GRM8: variants seen among roughly 807,000 people sequenced by gnomAD.
The protein encoded by GRM8 is glutamate metabotropic receptor 8.
A neutral mutation model predicts 87.2 loss-of-function variants in GRM8; 47 were observed. That is an observed-to-expected ratio of 0.54 (90% CI 0.43 to 0.69). The LOEUF (loss-of-function observed/expected upper bound fraction) is 0.69. Ranked by LOEUF, GRM8 falls within the 30% of genes least tolerant of loss-of-function variation. The pLI is 0.00. For missense variants in GRM8, 1,019 were observed against 1,139.2 expected (o/e 0.89, Z 1.52); for synonymous variants, 396 against 404.5 (o/e 0.98, Z 0.25).
chr7:126,793,356 C>T (rs547726677), intron 6 of GRM8, among the ~76,000 whole-genome samples: 16 of 152,276 alleles, frequency 1.1e-4, no homozygotes, highest in African/African-American at 3.6e-4. Context: ...AGAAGGTCCA[C>T]ATTTAAGGAA....
chr7:126,439,023 A>C lies in GRM8; in HGVS notation c.*96T>G. On this transcript the variant is annotated 3_prime_UTR_variant, in exon 11 of 11. Transcript: ENST00000339582. ...ACTGACTATTGATTTGATTGATTGTAGTCTACGGAGATCTCCAGGAGTGAA... is the reference window on the plus strand; with the variant it reads ...ACTGACTATTGATTTGATTGATTGTCGTCTACGGAGATCTCCAGGAGTGAA... 2.5e-6 allele frequency: 2 copies of C among 784,648 alleles called. No homozygotes were observed. The highest frequency in any genetic ancestry group is 4.6e-6 in the Non-Finnish European group (2 of 430,486). 48.6% of individuals were successfully genotyped at this position (784,648 alleles called of 1,614,324 possible). A position where few individuals can be genotyped will look rare whatever the true frequency, so the allele number is the denominator to read the frequency against.
chr7:127,082,767 A>G (rs925820967), intron 3 of GRM8, among the ~76,000 whole-genome samples: 2 of 152,200 alleles, frequency 1.3e-5, no homozygotes, highest in Non-Finnish European at 1.5e-5. Flanking sequence ...AAAACTTTAC[A>G]TGGGTTTTCT....
chr7:126,831,838 A>T (rs1795409190), intron 6 of GRM8, among the ~76,000 whole-genome samples: 1 of 152,182 alleles, frequency 6.6e-6, no homozygotes, highest in African/African-American at 2.4e-5. Context: ...GGCTCCTCTG[A>T]AACTGAAACT....
intron 6 of GRM8, among the ~76,000 whole-genome samples, chr7:126,807,767 C>T (rs1015768399): frequency 7.2e-5 from 11 of 152,140 alleles, no homozygotes; most frequent in Non-Finnish European, 1.2e-4. Context: ...ATTTAGGCCT[C>T]AGATCTGAGC....
chr7:126,808,913 A>G (rs2151732891), intron 6 of GRM8, among the ~76,000 whole-genome samples: 1 of 152,322 alleles, frequency 6.6e-6, no homozygotes, highest in East Asian at 1.9e-4. Flanking sequence ...TTGAAGCTGT[A>G]ACAAATTACC....
In GRM8 at chr7:127,138,914, T is replaced by C. The variant is rs898940543; in HGVS notation, c.511-32202A>G. Among the ~76,000 whole-genome samples, 14 of 152,146 alleles carry C rather than the reference T, an allele frequency of 9.2e-5. 1 individual carries two copies. Among genetic ancestry groups the C allele is most frequent in the African/African-American group, 3.4e-4 (14 of 41,402 alleles). ...GATAATAACAAAAACATTTTTTCTG[T>C]CCTTACTAACACTGGCACTCTGTCA... On this transcript the variant is annotated intron_variant, in intron 2 of 10. Transcript: ENST00000339582.
intron 6 of GRM8, among the ~76,000 whole-genome samples, chr7:126,835,370 G>A (rs1795751817): frequency 6.6e-6 from 1 of 152,122 alleles, no homozygotes; most frequent in Non-Finnish European, 1.5e-5. Flanking sequence ...CTTTAAAGAT[G>A]AGGACCTTCT....
At chr7:126,636,167 A>G (rs1047492109) in intron 7 of GRM8, among the ~76,000 whole-genome samples, 4 of 152,066 alleles carry the variant, frequency 2.6e-5, no homozygotes, top group Admixed American at 2.0e-4. Context: ...GGATTTCTGA[A>G]GTTTATAGAT....
At chr7:126,679,850 C>A (rs574674167) in intron 7 of GRM8, among the ~76,000 whole-genome samples, 15 of 152,026 alleles carry the variant, frequency 9.9e-5, no homozygotes, top group African/African-American at 3.4e-4. Context: ...GCCAACATGG[C>A]AAAACCCCAT....
At position 127,083,643 on chromosome 7, in the gene GRM8, T is replaced by TAAC. The variant is rs201752890; in HGVS notation, c.727+22850_727+22852dup. ...GCCCCCATACTCCTTGCATCCTACC[T>TAAC]AACAACAACAACAACAACAAAATCT... On this transcript the variant is annotated intron_variant, in intron 3 of 10. Transcript: ENST00000339582. Among the ~76,000 whole-genome samples, 201 of 151,082 alleles carry TAAC rather than the reference T, an allele frequency of 1.3e-3. 4 individuals carry two copies. The East Asian group carries it at 0.017, about 13-fold the overall frequency.
chr7:126,534,306 G>A (rs1815335611), intron 8 of GRM8, among the ~76,000 whole-genome samples: 1 of 152,162 alleles, frequency 6.6e-6, no homozygotes, highest in Non-Finnish European at 1.5e-5. Context: ...TATAAAAGAT[G>A]ATCCATGTCT....
At chr7:126,603,901 A>G (rs1798079157) in intron 8 of GRM8, among the ~76,000 whole-genome samples, 1 of 152,088 alleles carries the variant, frequency 6.6e-6, no homozygotes, top group Non-Finnish European at 1.5e-5. Flanking sequence ...TTTCAACTCT[A>G]TTCAGTCCAT....
intron 7 of GRM8, among the ~76,000 whole-genome samples, chr7:126,720,996 C>T (rs1275529494): frequency 6.6e-6 from 1 of 152,178 alleles, no homozygotes; most frequent in Non-Finnish European, 1.5e-5. Context: ...GGCCATTCTA[C>T]TGTCATCACA....
chr7:126,935,037 T>G (rs1408394627), intron 3 of GRM8, among the ~76,000 whole-genome samples: 2 of 152,176 alleles, frequency 1.3e-5, no homozygotes, highest in Non-Finnish European at 2.9e-5. Flanking sequence ...AAAATGTCTG[T>G]CATGTAATAT....
chr7:126,665,937 G>T (rs1805715416), intron 7 of GRM8, among the ~76,000 whole-genome samples: 1 of 152,000 alleles, frequency 6.6e-6, no homozygotes, highest in South Asian at 2.1e-4. Context: ...GACTTTGAAA[G>T]AGAGAAAGCA....
intron 3 of GRM8, among the ~76,000 whole-genome samples, chr7:126,965,487 A>G (rs900293004): frequency 2.0e-5 from 3 of 152,160 alleles, no homozygotes. Context: ...ATGTAACTTT[A>G]TATTTCCTAG....
At chr7:126,676,730 T>G (rs1479080534) in intron 7 of GRM8, among the ~76,000 whole-genome samples, 1 of 152,132 alleles carries the variant, frequency 6.6e-6, no homozygotes, top group African/African-American at 2.4e-5. Flanking sequence ...AACTCAAAGT[T>G]GATTAAATAC....
chr7:126,526,198 G>A (rs1813800458), intron 9 of GRM8, among the ~76,000 whole-genome samples: 1 of 152,156 alleles, frequency 6.6e-6, no homozygotes, highest in Admixed American at 6.5e-5. Flanking sequence ...AAGTAAATCA[G>A]TCACTACATT....
rs1491132484 is a variant in GRM8, at chr7:127,232,212, T to TGTGTGTGTGTGTGTGTGA, written c.510+10482_510+10483insTCACACACACACACACAC. Among the ~76,000 whole-genome samples the TGTGTGTGTGTGTGTGTGA allele has an allele frequency of 7.6e-4, 109 of 143,624 alleles. 1 individual carries two copies. The highest frequency in any genetic ancestry group is 4.4e-3 in the Admixed American group (62 of 14,162). The allele number at this position is 143,624 out of a possible 152,430, so 94.2% of individuals were successfully genotyped here. A position where few individuals can be genotyped will look rare whatever the true frequency, so the allele number is the denominator to read the frequency against. The stretch of plus-strand genomic sequence containing the variant: ...GTGTGTGTGTGTGTGTGTGTGTGTG[T>TGTGTGTGTGTGTGTGTGA]GAGAGAGAGAGAGAGAGAGAGAGAG... On this transcript the variant is annotated intron_variant, in intron 2 of 10. Transcript: ENST00000339582.
Sources: allele counts gnomAD v4.1 joint callset (sites outside exome capture counted in the v4.1 genomes callset), GRCh38; gene constraint gnomAD v4.1.1; transcripts MANE v1.5; gene names NCBI Gene and HGNC (gene_info 2026-07-23, HGNC 2026-07-21).